WDR7: variants seen among roughly 807,000 people sequenced by gnomAD.
WDR7 encodes the protein WD repeat domain 7, also known as WD repeat-containing protein 7.
A neutral mutation model predicts 169.4 loss-of-function variants in WDR7; 46 were observed. The observed-to-expected ratio is 0.27, with a 90% confidence interval of 0.21 to 0.35. WDR7 has a LOEUF of 0.35. Ranked by LOEUF, WDR7 falls within the 10% of genes least tolerant of loss-of-function variation. The pLI is 1.00. For missense variants in WDR7, 1,534 were observed against 1,859.3 expected, an observed-to-expected ratio of 0.83 and a Z score of 3.22; for synonymous variants, 612 against 666.8, an observed-to-expected ratio of 0.92 and a Z score of 1.27.
intron 7 of WDR7, among the ~76,000 whole-genome samples, chr18:56,688,800 C>T (rs1414043911): frequency 1.3e-5 from 2 of 151,780 alleles, no homozygotes; most frequent in East Asian, 1.9e-4. Flanking sequence ...TTCCCTTTCC[C>T]TTCCAGATAA....
chr18:56,833,723 CTT>C (rs2045353580), intron 20 of WDR7, among the ~76,000 whole-genome samples: 1 of 152,120 alleles, frequency 6.6e-6, no homozygotes, highest in Non-Finnish European at 1.5e-5. Context: ...GTTGGAAAGA[CTT>C]ATTCATAATC....
chr18:56,700,563 T>G (rs9748884), intron 12 of WDR7, among the ~76,000 whole-genome samples: 121,677 of 132,976 alleles, frequency 0.92, 56,704 homozygotes, highest in Non-Finnish European at 1. Flanking sequence ...CCAATATTGT[T>G]TCTTTTTTTT....
At chr18:56,686,771 T>G in intron 6 of WDR7, 84 bp from the exon 7 acceptor site, 1 of 1,186,532 alleles carries the variant, frequency 8.4e-7, no homozygotes, top group Non-Finnish European at 1.2e-6. Context: ...ATGCCTTTAT[T>G]TAATTTTGTT....
chr18:57,027,565 C>G lies in WDR7; in HGVS notation c.*358C>G. On this transcript the variant is annotated 3_prime_UTR_variant, in exon 28 of 28. Coordinates refer to ENST00000254442, the MANE Select transcript of WDR7 (RefSeq NM_015285.3). ...CTGTGATTGCACTCCCAGCCCAGAT[C>G]AGCATTTTTAGCCATCTCAACCGCA... 3 of 276,768 alleles carry G rather than the reference C, an allele frequency of 1.1e-5. No individual in the cohort carries two copies. Among genetic ancestry groups the G allele is most frequent in the Non-Finnish European group, 2.1e-5 (3 of 146,228 alleles). The allele number at this position is 276,768 out of a possible 1,614,324, so 17.1% of individuals were successfully genotyped here.
chr18:56,973,945 C>T (rs1280280487), intron 26 of WDR7, among the ~76,000 whole-genome samples: 2 of 152,134 alleles, frequency 1.3e-5, no homozygotes, highest in East Asian at 1.9e-4. Context: ...TGTCCTAAAC[C>T]ATTTCCTTTT....
In WDR7 at chr18:56,880,039, G is replaced by A. The variant is rs1568245086; in HGVS notation, c.3400G>A (p.Gly1134Arg). ...CGCTATTGTTTTACTTGGAGTAATA[G>A]GAGCTGAATTTGGTGCTGAAATTGA... ...ATAIVLLGVI[G>R]AEFGAEIEPP... The change falls in exon 21 of 28, where the codon GGA becomes AGA. Residue 1134 changes from glycine (G) to arginine (R), a missense_variant. Transcript: ENST00000254442. 1 of 1,614,096 alleles carries A rather than the reference G, an allele frequency of 6.2e-7. No homozygotes were observed. Among genetic ancestry groups the A allele is most frequent in the Non-Finnish European group, 8.5e-7 (1 of 1,179,992 alleles).
chr18:56,905,660 G>A (rs989565525), intron 21 of WDR7, among the ~76,000 whole-genome samples: 9 of 150,574 alleles, frequency 6.0e-5, no homozygotes, highest in Middle Eastern at 3.2e-3. Flanking sequence ...AATTATACAG[G>A]TGCTAAAAGA....
intron 19 of WDR7, among the ~76,000 whole-genome samples, chr18:56,806,317 T>C (rs2044772701): frequency 6.6e-6 from 1 of 152,232 alleles, no homozygotes; most frequent in Non-Finnish European, 1.5e-5. Flanking sequence ...CCTACCATTC[T>C]GTGTTTTAAC....
intron 21 of WDR7, among the ~76,000 whole-genome samples, chr18:56,897,267 C>G (rs901060912): frequency 8.6e-5 from 13 of 151,860 alleles, no homozygotes; most frequent in Non-Finnish European, 2.9e-5. Flanking sequence ...TGAGTCCACC[C>G]TTTTCTATAT....
At chr18:56,776,746 TCTCTC>T (rs762669827) in intron 16 of WDR7, 31 bp from the exon 17 acceptor site, 11 of 1,583,384 alleles carry the variant, frequency 6.9e-6, no homozygotes, top group Non-Finnish European at 8.7e-6. Flanking sequence ...GTACTTCAAT[TCTCTC>T]CTCTTTACTT....
chr18:56,882,196 G>A (rs1197626715), intron 21 of WDR7, among the ~76,000 whole-genome samples: 1 of 152,192 alleles, frequency 6.6e-6, no homozygotes, highest in East Asian at 1.9e-4. Context: ...TTCTACAAAG[G>A]GCTCTTTAAT....
rs1356951694 is a variant in WDR7 at position 56,757,129 on chromosome 18, C to T, written c.2536C>T (p.Leu846=). The change falls in exon 15 of 28, where the codon CTG becomes TTG. Residue 846 remains leucine, a synonymous_variant. Coordinates refer to ENST00000254442, the MANE Select transcript of WDR7 (RefSeq NM_015285.3). Reference sequence around the variant, plus strand: ...CTTGTCAAGAGGAGGCCATATGTCACTGATGCTGCCGGGTTATAATCAGCC... The same window carrying T: ...CTTGTCAAGAGGAGGCCATATGTCATTGATGCTGCCGGGTTATAATCAGCC... The part of the protein sequence containing the change: ...GLLSRGGHMS[L]MLPGYNQPAC... 1 of 1,614,098 alleles carries T rather than the reference C, an allele frequency of 6.2e-7. No individual in the cohort carries two copies. Among genetic ancestry groups the T allele is most frequent in the Non-Finnish European group, 8.5e-7 (1 of 1,180,018 alleles).
intron 26 of WDR7, among the ~76,000 whole-genome samples, chr18:56,981,893 A>G (rs1169925925): frequency 1.3e-5 from 2 of 152,170 alleles, no homozygotes; most frequent in Non-Finnish European, 2.9e-5. Flanking sequence ...GTGCTGTAGG[A>G]TATTTCACTA....
At chr18:56,804,912 C>A (rs1433044559) in intron 19 of WDR7, among the ~76,000 whole-genome samples, 1 of 152,134 alleles carries the variant, frequency 6.6e-6, no homozygotes, top group African/African-American at 2.4e-5. Context: ...ACTTTCGTAG[C>A]GTCAAATTTC....
chr18:56,880,979 A>G (rs780768243), intron 21 of WDR7, among the ~76,000 whole-genome samples: 139 of 152,242 alleles, frequency 9.1e-4, no homozygotes, highest in Non-Finnish European at 1.4e-3. Context: ...AACTGAATAC[A>G]TCACAAAATA....
At chr18:56,980,078 C>T (rs1304725916) in intron 26 of WDR7, among the ~76,000 whole-genome samples, 2 of 152,320 alleles carry the variant, frequency 1.3e-5, no homozygotes, top group Non-Finnish European at 2.9e-5. Flanking sequence ...ATTACACATG[C>T]TCCAGAGCAA....
chr18:56,683,004 C>A, intron 5 of WDR7, 151 bp downstream of exon 5: 1 of 868,184 alleles, frequency 1.2e-6, no homozygotes, highest in Non-Finnish European at 1.7e-6. Flanking sequence ...CTGTTTCTTC[C>A]TTCATAAAGA....
chr18:56,773,653 G>T (rs944440856), intron 16 of WDR7, among the ~76,000 whole-genome samples: 4 of 152,024 alleles, frequency 2.6e-5, no homozygotes. Flanking sequence ...TAAAAAAGAG[G>T]CAATGAAACC....
chr18:56,942,597 G>A (rs62098602), intron 25 of WDR7, among the ~76,000 whole-genome samples: 4,895 of 152,152 alleles, frequency 0.032, 130 homozygotes, highest in Middle Eastern at 0.062. Flanking sequence ...TTTAACATTG[G>A]AAGTGTTTTG....
Sources: allele counts gnomAD v4.1 joint callset (sites outside exome capture counted in the v4.1 genomes callset), GRCh38; gene constraint gnomAD v4.1.1; transcripts MANE v1.5; gene names NCBI Gene and HGNC (gene_info 2026-07-23, HGNC 2026-07-21).